The following ARSB variants were observed in gnomAD, a reference collection of about 807,000 sequenced individuals.
The protein encoded by ARSB is arylsulfatase B, also known as N-acetylgalactosamine-4-sulfatase.
ARSB carries 41 observed loss-of-function variants against 50.9 expected under a neutral mutation model. The ratio of observed to expected loss-of-function variants is 0.81; its 90% CI spans 0.63 to 1.04. The LOEUF is 1.04. ARSB is among the 50% of genes least tolerant of loss of function. The pLI, the probability that ARSB is intolerant of heterozygous loss-of-function variation, is 0.00. For missense variants in ARSB, 672 were observed against 693.3 expected, an observed-to-expected ratio of 0.97 and a Z score of 0.35; for synonymous variants, 269 against 284.8, an observed-to-expected ratio of 0.94 and a Z score of 0.56.
intron 4 of ARSB, among the ~76,000 whole-genome samples, chr5:78,901,047 G>GAAAAAA (rs71001135): frequency 8.7e-6 from 1 of 115,236 alleles, no homozygotes; most frequent in South Asian, 2.9e-4. Context: ...TCCGTCTCAG[G>GAAAAAA]AAAAAAAAAA....
At chr5:78,954,190 C>T (rs543322863) in intron 4 of ARSB, among the ~76,000 whole-genome samples, 10 of 151,968 alleles carry the variant, frequency 6.6e-5, no homozygotes, top group African/African-American at 1.2e-4. Flanking sequence ...GAAGGTGGGA[C>T]GGAGGGCCAC....
intron 4 of ARSB, among the ~76,000 whole-genome samples, chr5:78,916,821 T>TAC (rs1384953925): frequency 6.6e-6 from 1 of 151,804 alleles, no homozygotes; most frequent in South Asian, 2.1e-4. Flanking sequence ...AACACATAGA[T>TAC]ACACACACAC....
rs536312269 is a variant in ARSB at position 78,853,939 on chromosome 5, C to T, written c.1143-14513G>A. 2.6e-5 allele frequency among the ~76,000 whole-genome samples: 4 copies of T among 152,338 alleles called. 1 individual carries two copies. Among genetic ancestry groups the T allele is most frequent in the Middle Eastern group, 6.8e-3 (2 of 294 alleles). ...AGTGCAGTATTAGGGTGGGAGTGACCCAATTTTCCAGGTGCCGTCTGTCAC... is the reference window on the plus strand; with the variant it reads ...AGTGCAGTATTAGGGTGGGAGTGACTCAATTTTCCAGGTGCCGTCTGTCAC... On this transcript the variant is annotated intron_variant, in intron 5 of 7. Transcript: ENST00000264914.
intron 4 of ARSB, among the ~76,000 whole-genome samples, chr5:78,886,432 TA>T (rs1748039685): frequency 6.6e-6 from 1 of 152,080 alleles, no homozygotes; most frequent in Non-Finnish European, 1.5e-5. Flanking sequence ...GATGGAAAAA[TA>T]TAATTGTGAA....
At chr5:78,910,997 T>C (rs1227609835) in intron 4 of ARSB, among the ~76,000 whole-genome samples, 1 of 152,224 alleles carries the variant, frequency 6.6e-6, no homozygotes, top group Non-Finnish European at 1.5e-5. Flanking sequence ...TACTCTGTAT[T>C]TTTGTTGTTG....
intron 5 of ARSB, among the ~76,000 whole-genome samples, chr5:78,844,096 T>C (rs1745342783): frequency 6.6e-6 from 1 of 152,174 alleles, no homozygotes; most frequent in Non-Finnish European, 1.5e-5. Flanking sequence ...GGTCATATGG[T>C]AACTCTACAA....
chr5:78,903,984 C>T (rs1173702735), intron 4 of ARSB, among the ~76,000 whole-genome samples: 1 of 152,108 alleles, frequency 6.6e-6, no homozygotes, highest in African/African-American at 2.4e-5. Flanking sequence ...TCCTTTGTAC[C>T]ACCTCTTTGT....
At chr5:78,911,663 A>C (rs1027133328) in intron 4 of ARSB, among the ~76,000 whole-genome samples, 1 of 151,342 alleles carries the variant, frequency 6.6e-6, no homozygotes, top group Non-Finnish European at 1.5e-5. Flanking sequence ...GGTGATTTCC[A>C]AGTACAGAGA....
At chr5:78,825,221 G>A (rs895564124) in intron 6 of ARSB, among the ~76,000 whole-genome samples, 4 of 152,180 alleles carry the variant, frequency 2.6e-5, no homozygotes, top group Admixed American at 6.5e-5. Flanking sequence ...TTTGGAAAGC[G>A]ATTTTAAAGA....
chr5:78,862,276 A>G (rs931114627), intron 5 of ARSB, among the ~76,000 whole-genome samples: 5 of 152,212 alleles, frequency 3.3e-5, no homozygotes, highest in African/African-American at 1.2e-4. Flanking sequence ...TTTAAAGTTC[A>G]GATGGAAGCA....
chr5:78,850,632 T>A (rs1745721946), intron 5 of ARSB, among the ~76,000 whole-genome samples: 1 of 152,254 alleles, frequency 6.6e-6, no homozygotes, highest in Non-Finnish European at 1.5e-5. Context: ...TCAGAAGGAA[T>A]GGTACCAGTT....
At chr5:78,975,368 C>A (rs575637203) in intron 1 of ARSB, among the ~76,000 whole-genome samples, 50 of 152,358 alleles carry the variant, frequency 3.3e-4, no homozygotes, top group African/African-American at 1.2e-3. Flanking sequence ...CCACGATGCT[C>A]CAGCACAGCC....
At chr5:78,829,456 T>TA (rs1171727919) in intron 6 of ARSB, among the ~76,000 whole-genome samples, 1 of 152,256 alleles carries the variant, frequency 6.6e-6, no homozygotes, top group African/African-American at 2.4e-5. Context: ...GCTTATATTA[T>TA]ATCACTTATC....
At chr5:78,835,331 A>C (rs1024115096) in intron 6 of ARSB, among the ~76,000 whole-genome samples, 2 of 151,842 alleles carry the variant, frequency 1.3e-5, no homozygotes, top group African/African-American at 2.4e-5. Flanking sequence ...GGAGCGGGGG[A>C]GGTGTAGCTG....
In ARSB at chr5:78,872,008, C is replaced by T. The variant is rs943256099; in HGVS notation, c.1142+13576G>A. ...ACCCCATCAAAAAGCGGGCGAAGGACATGAACAGACACTTCTCAAAAGAAG... is the reference window on the plus strand; with the variant it reads ...ACCCCATCAAAAAGCGGGCGAAGGATATGAACAGACACTTCTCAAAAGAAG... On this transcript the variant is annotated intron_variant, in intron 5 of 7. Coordinates refer to ENST00000264914, the MANE Select transcript of ARSB (RefSeq NM_000046.5). 1.2e-3 allele frequency among the ~76,000 whole-genome samples: 184 copies of T among 151,900 alleles called. 2 individuals carry two copies. Among genetic ancestry groups the T allele is most frequent in the African/African-American group, 4.3e-3 (178 of 41,504 alleles).
At chr5:78,879,918 T>C (rs962692040) in intron 5 of ARSB, among the ~76,000 whole-genome samples, 5 of 152,056 alleles carry the variant, frequency 3.3e-5, no homozygotes, top group African/African-American at 7.2e-5. Context: ...ATTTGCTGAA[T>C]TTCCAGAAAA....
intron 6 of ARSB, among the ~76,000 whole-genome samples, chr5:78,824,164 G>A (rs1049730002): frequency 1.3e-5 from 2 of 152,170 alleles, no homozygotes; most frequent in Admixed American, 6.6e-5. Context: ...GCAGATGCTG[G>A]TGCCATGCTT....
At chr5:78,982,241 C>T (rs1000112303) in intron 1 of ARSB, among the ~76,000 whole-genome samples, 1 of 152,164 alleles carries the variant, frequency 6.6e-6, no homozygotes, top group African/African-American at 2.4e-5. Flanking sequence ...CTCTTAACAA[C>T]TTCCTTCAAG....
intron 5 of ARSB, among the ~76,000 whole-genome samples, chr5:78,881,943 A>C (rs533157730): frequency 1.0e-3 from 159 of 152,388 alleles, no homozygotes; most frequent in African/African-American, 3.7e-3. Context: ...ATTTTTATGT[A>C]TAGGTTTAAC....
Sources: gnomAD v4.1 joint callset for allele counts (sites outside exome capture counted in the v4.1 genomes callset) on GRCh38, gnomAD v4.1.1 for gene constraint, MANE v1.5 for transcripts, NCBI Gene and HGNC (gene_info 2026-07-23, HGNC 2026-07-21) for gene names.